The following NEK11 variants were observed in gnomAD, a reference collection of about 807,000 sequenced individuals.
The protein encoded by NEK11 is serine/threonine-protein kinase Nek11.
Under a neutral mutation model 80.7 loss-of-function variants are expected in NEK11, and 72 were observed. That is an observed-to-expected ratio of 0.89 (90% CI 0.74 to 1.08). NEK11 has a LOEUF of 1.08. NEK11 is among the 50% of genes least tolerant of loss of function. The pLI is 0.00. For synonymous variants in NEK11, 251 were observed against 260.7 expected (o/e 0.96, Z 0.36); for missense variants, 764 against 763.6 (o/e 1.00, Z -0.01).
At chr3:131,261,775 T>A (rs1218906900) in intron 16 of NEK11, among the ~76,000 whole-genome samples, 1 of 152,200 alleles carries the variant, frequency 6.6e-6, no homozygotes, top group Non-Finnish European at 1.5e-5. Context: ...AGATAGCCTA[T>A]CTTCTTAATT....
intron 14 of NEK11, among the ~76,000 whole-genome samples, chr3:131,228,327 T>C (rs999947051): frequency 3.9e-5 from 6 of 152,208 alleles, no homozygotes; most frequent in African/African-American, 1.4e-4. Flanking sequence ...GAAATGTTCC[T>C]CCTTTCCTCT....
chr3:131,059,156 A>T (rs565294930), intron 3 of NEK11, among the ~76,000 whole-genome samples: 4 of 152,188 alleles, frequency 2.6e-5, no homozygotes, highest in Non-Finnish European at 5.9e-5. Context: ...GGTTCCCCTG[A>T]AAATATGTTT....
chr3:131,170,825 C>T lies in NEK11; in HGVS notation c.1337C>T (p.Ser446Phe). ...ENLPESQPIP[S>F]MDLHELESIV... The stretch of plus-strand genomic sequence containing the variant: ...CTGCCTGAGTCTCAGCCTATTCCTT[C>T]CATGGACCTCCACGAACTTGAATCA... Residue 446 changes from serine (S) to phenylalanine (F), a missense_variant, in exon 14 of 18, where the codon TCC becomes TTC. Ser to Phe is a radical substitution (Grantham distance 155). Transcript: ENST00000383366. 6.2e-7 allele frequency: 1 copy of T among 1,614,144 alleles called. No individual in the cohort carries two copies. The highest frequency in any genetic ancestry group is 1.1e-5 in the South Asian group (1 of 91,084).
At chr3:131,185,238 G>A (rs1464288169) in intron 14 of NEK11, among the ~76,000 whole-genome samples, 1 of 152,176 alleles carries the variant, frequency 6.6e-6, no homozygotes, top group African/African-American at 2.4e-5. Flanking sequence ...CTGGAAAGCA[G>A]ATAATAGGAC....
intron 16 of NEK11, among the ~76,000 whole-genome samples, chr3:131,265,488 AT>A (rs1225580370): frequency 2.0e-5 from 3 of 151,934 alleles, no homozygotes; most frequent in African/African-American, 7.3e-5. Context: ...GGTTTTTGTC[AT>A]TTGTTCTGTT....
chr3:131,149,666 T>A (rs914418084), intron 7 of NEK11, among the ~76,000 whole-genome samples: 2 of 152,058 alleles, frequency 1.3e-5, no homozygotes, highest in African/African-American at 4.8e-5. Context: ...AAAAAACATG[T>A]TTATAATGTC....
At chr3:131,048,699 T>G (rs2067833866) in intron 3 of NEK11, among the ~76,000 whole-genome samples, 1 of 152,180 alleles carries the variant, frequency 6.6e-6, no homozygotes, top group African/African-American at 2.4e-5. Flanking sequence ...TCCTCTCGCT[T>G]TCCTGGTATG....
intron 3 of NEK11, among the ~76,000 whole-genome samples, chr3:131,064,536 A>C (rs1364691705): frequency 1.3e-5 from 2 of 152,144 alleles, no homozygotes; most frequent in Non-Finnish European, 2.9e-5. Context: ...CTCCAAATAC[A>C]GTTACATTCT....
chr3:131,178,487 T>C (rs1369207131), intron 14 of NEK11, among the ~76,000 whole-genome samples: 2 of 152,250 alleles, frequency 1.3e-5, no homozygotes, highest in Non-Finnish European at 2.9e-5. Flanking sequence ...ATTAATTCTT[T>C]TAACTTTTGA....
intron 16 of NEK11, 125 bp from the exon 17 acceptor site, chr3:131,273,353 T>C: frequency 1.6e-6 from 1 of 636,522 alleles, no homozygotes; most frequent in Admixed American, 2.6e-5. Flanking sequence ...AATTCATCTC[T>C]AATTAATGTA....
chr3:131,286,767 GA>G (rs1424581631), intron 17 of NEK11, among the ~76,000 whole-genome samples: 3 of 152,194 alleles, frequency 2.0e-5, no homozygotes, highest in Admixed American at 1.3e-4. Flanking sequence ...TGGGATCTCA[GA>G]AAGGAGGCAA....
intron 3 of NEK11, among the ~76,000 whole-genome samples, chr3:131,070,486 A>G (rs2073074086): frequency 6.6e-6 from 1 of 152,050 alleles, no homozygotes; most frequent in Admixed American, 6.6e-5. Context: ...CAAACCTCCA[A>G]ATCTGCGGTG....
intron 14 of NEK11, among the ~76,000 whole-genome samples, chr3:131,221,677 T>A (rs1005169447): frequency 6.6e-6 from 1 of 152,208 alleles, no homozygotes; most frequent in African/African-American, 2.4e-5. Context: ...TTTAAAAAAA[T>A]TGTTAATGTA....
intron 4 of NEK11, among the ~76,000 whole-genome samples, chr3:131,101,728 AT>A (rs2078395366): frequency 6.6e-6 from 1 of 152,156 alleles, no homozygotes; most frequent in Non-Finnish European, 1.5e-5. Flanking sequence ...TGTTCTATAA[AT>A]GTTTATTATG....
intron 3 of NEK11, among the ~76,000 whole-genome samples, chr3:131,068,129 C>T (rs1231051256): frequency 1.3e-5 from 2 of 152,182 alleles, no homozygotes; most frequent in African/African-American, 4.8e-5. Flanking sequence ...GTCTGTTGGT[C>T]TGCTCTTCAA....
At chr3:131,099,888 T>G (rs761050088) in intron 4 of NEK11, among the ~76,000 whole-genome samples, 2 of 152,208 alleles carry the variant, frequency 1.3e-5, no homozygotes, top group Non-Finnish European at 2.9e-5. Context: ...TAGGGTGTTT[T>G]AGGAATAGAA....
At chr3:131,189,024 G>A (rs1329192352) in intron 14 of NEK11, among the ~76,000 whole-genome samples, 2 of 152,124 alleles carry the variant, frequency 1.3e-5, no homozygotes, top group East Asian at 3.9e-4. Context: ...AACAGATAGA[G>A]AGATATATTA....
At chr3:131,277,372 C>T (rs1008597311) in intron 17 of NEK11, among the ~76,000 whole-genome samples, 21 of 152,322 alleles carry the variant, frequency 1.4e-4, no homozygotes, top group Admixed American at 1.2e-3. Flanking sequence ...CATTAGGCAT[C>T]TCAAGCTCAG....
chr3:131,246,786 AT>A (rs1561181629), intron 16 of NEK11, among the ~76,000 whole-genome samples: 1 of 151,924 alleles, frequency 6.6e-6, no homozygotes, highest in Non-Finnish European at 1.5e-5. Context: ...TTATTTTCTG[AT>A]TTTTAAAATT....
Sources: allele counts gnomAD v4.1 joint callset (sites outside exome capture counted in the v4.1 genomes callset), GRCh38; gene constraint gnomAD v4.1.1; transcripts MANE v1.5; gene names NCBI Gene and HGNC (gene_info 2026-07-23, HGNC 2026-07-21).